The following KLF16 variants were observed in gnomAD, a reference collection of about 807,000 sequenced individuals.
KLF16 encodes the protein KLF transcription factor 16, also known as Krueppel-like factor 16.
KLF16 carries 6 observed loss-of-function variants against 6.1 expected under a neutral mutation model. That is an observed-to-expected ratio of 0.98 (90% CI 0.54 to 1.93). KLF16 has a LOEUF of 1.93. Among genes scored for constraint, KLF16 ranks in the 30% most tolerant of loss-of-function variants. The probability of loss-of-function intolerance (pLI) is 0.01; values close to 1 mark genes in which losing one functional copy is unlikely to be tolerated. For synonymous variants in KLF16, 211 were observed against 176.5 expected (o/e 1.20, Z -1.55); for missense variants, 355 against 363.8 (o/e 0.98, Z 0.20).
At position 1,863,396 on chromosome 19, in the gene KLF16, G is replaced by A. The variant is rs1308068686; in HGVS notation, c.102C>T (p.Gly34=). Residue 34 remains glycine (G), a synonymous_variant, in exon 1 of 2, where the codon GGC becomes GGT. Coordinates refer to ENST00000250916, the MANE Select transcript of KLF16 (RefSeq NM_031918.4). ...VVHRGRPGPE[G]AGPAAGLDVR... ...CATCCAGGCCGGCGGCGGGGCCCGCGCCCTCGGGGCCGGGCCGCCCGCGGT... is the reference window on the plus strand; with the variant it reads ...CATCCAGGCCGGCGGCGGGGCCCGCACCCTCGGGGCCGGGCCGCCCGCGGT... 1.2e-5 allele frequency: 12 copies of A among 985,984 alleles called. No individual in the cohort carries two copies. The highest frequency in any genetic ancestry group is 1.3e-5 in the Non-Finnish European group (11 of 832,510). The allele number at this position is 985,984 out of a possible 1,614,324, so 61.1% of individuals were successfully genotyped here.
At chr19:1,869,758 C>T in the KLF16 span, among the ~76,000 whole-genome samples, 1 of 151,946 alleles carries the variant, frequency 6.6e-6, no homozygotes, top group South Asian at 2.1e-4. Flanking sequence ...AGGTGCACAC[C>T]GCCACGCCCG....
At chr19:1,868,400 C>T (rs943413541), upstream of KLF16, among the ~76,000 whole-genome samples, 4 of 150,692 alleles carry the variant, frequency 2.7e-5, no homozygotes, top group African/African-American at 9.8e-5. Flanking sequence ...AGGAGGGTGT[C>T]CTGCCCCAAA....
chr19:1,856,892 C>T (rs1052484176), intron 1 of KLF16, among the ~76,000 whole-genome samples: 13 of 134,648 alleles, frequency 9.7e-5, no homozygotes, highest in African/African-American at 3.2e-4. Context: ...TTCAGGGCGG[C>T]GGGGCTGGTC....
chr19:1,856,955 T>TGGGGG (rs896271453), intron 1 of KLF16, among the ~76,000 whole-genome samples: 1 of 25,514 alleles, frequency 3.9e-5, no homozygotes, highest in Admixed American at 3.7e-4. Context: ...GTTGCCGGGG[T>TGGGGG]GGGGGGGGCG....
In KLF16 at chr19:1,854,110, C is replaced by G; in HGVS notation, c.*349G>C. 1 of 256,226 alleles carries G rather than the reference C, an allele frequency of 3.9e-6. No individual in the cohort carries two copies. The highest frequency in any genetic ancestry group is 1.3e-4 in the South Asian group (1 of 7,540). The allele number at this position is 256,226 out of a possible 1,614,324, so 15.9% of individuals were successfully genotyped here. A position where few individuals can be genotyped will look rare whatever the true frequency, so the allele number is the denominator to read the frequency against. On this transcript the variant is annotated 3_prime_UTR_variant, in exon 2 of 2. Transcript: ENST00000250916. The stretch of plus-strand genomic sequence containing the variant: ...TTTCCCCGGGCCGGCTCCCAGAAGT[C>G]CACTCCACCCCCCCAAACCCCACCC...
chr19:1,855,214 T>A (rs1448343409), intron 1 of KLF16, among the ~76,000 whole-genome samples: 2 of 152,102 alleles, frequency 1.3e-5, no homozygotes, highest in South Asian at 4.1e-4. Context: ...TGCAGGGGCC[T>A]CCATCTGTGC....
At chr19:1,862,628 G>T (rs1215283794) in intron 1 of KLF16, among the ~76,000 whole-genome samples, 1 of 151,110 alleles carries the variant, frequency 6.6e-6, no homozygotes, top group African/African-American at 2.4e-5. Flanking sequence ...CACAGATAAG[G>T]AAACTGAGGC....
upstream of KLF16, among the ~76,000 whole-genome samples, chr19:1,864,158 G>C (rs1274477838): frequency 2.0e-5 from 3 of 150,308 alleles, no homozygotes; most frequent in African/African-American, 7.3e-5. Flanking sequence ...CCCCTCCCCG[G>C]ATGCTTCCCT....
chr19:1,855,496 C>T (rs999458452), intron 1 of KLF16, among the ~76,000 whole-genome samples: 2 of 152,134 alleles, frequency 1.3e-5, no homozygotes, highest in East Asian at 1.9e-4. Context: ...GGACAGATGG[C>T]GCTGGGCAGG....
Position 1,854,303 on chromosome 19 carries a change from G to C in KLF16, c.*156C>G. 1 of 920,468 alleles carries C rather than the reference G, an allele frequency of 1.1e-6. No homozygotes were observed. Among genetic ancestry groups the C allele is most frequent in the Non-Finnish European group, 1.5e-6 (1 of 676,226 alleles). 57.0% of individuals were successfully genotyped at this position (920,468 alleles called of 1,614,324 possible). On this transcript the variant is annotated 3_prime_UTR_variant, in exon 2 of 2. Coordinates refer to ENST00000250916, the MANE Select transcript of KLF16 (RefSeq NM_031918.4). The stretch of plus-strand genomic sequence containing the variant: ...CACCTCTGAGGTCAGGCAGACCCAG[G>C]TCCAGTCTCAGGCCCCCTCCTCACT...
upstream of KLF16, among the ~76,000 whole-genome samples, chr19:1,864,025 ACGCCCCTCCTTCCGAGAGCG>A (rs1435970132): frequency 8.3e-6 from 1 of 119,938 alleles, no homozygotes; most frequent in Non-Finnish European, 1.7e-5. Flanking sequence ...CCTCTCCGGC[ACGCCCCTCCTTCCGAGAGCG>A]CGCCCCGCCC....
At chr19:1,870,001 C>T in the KLF16 span, among the ~76,000 whole-genome samples, 3 of 142,820 alleles carry the variant, frequency 2.1e-5, no homozygotes, top group African/African-American at 5.4e-5. Flanking sequence ...GGTGCAATCT[C>T]GGCTCACTGC....
chr19:1,871,407 T>C, the KLF16 span, among the ~76,000 whole-genome samples: 19 of 152,100 alleles, frequency 1.2e-4, no homozygotes, highest in South Asian at 2.1e-4. Context: ...TGCCACCCAT[T>C]TGAGTATCTG....
chr19:1,865,913 C>G (rs2012181670), upstream of KLF16, among the ~76,000 whole-genome samples: 1 of 152,230 alleles, frequency 6.6e-6, no homozygotes, highest in South Asian at 2.1e-4. Context: ...CCTGGAATGC[C>G]AGCACTTTGA....
In KLF16 at chr19:1,853,950, T is replaced by C. The variant is rs1299292456; in HGVS notation, c.*509A>G. 6.6e-6 allele frequency: 1 copy of C among 151,016 alleles called. No homozygotes were observed. Among genetic ancestry groups the C allele is most frequent in the East Asian group, 2.0e-4 (1 of 5,048 alleles). The allele number at this position is 151,016 out of a possible 1,614,324, so 9.4% of individuals were successfully genotyped here. A position where few individuals can be genotyped will look rare whatever the true frequency, so the allele number is the denominator to read the frequency against. On this transcript the variant is annotated 3_prime_UTR_variant, in exon 2 of 2. Transcript: ENST00000250916. ...GGGGGGTGGCTGGGCTGCACCCCCA[T>C]TTCCCTGAACTACTCCCATGGCTTT...
Position 1,853,802 on chromosome 19 carries a change from AC to A in KLF16, c.*656del, listed in dbSNP as rs1221231804. On this transcript the variant is annotated 3_prime_UTR_variant, in exon 2 of 2. Coordinates refer to ENST00000250916, the MANE Select transcript of KLF16 (RefSeq NM_031918.4). ...CCCCATCCCAGGTCTCAGAAGCAAC[AC>A]CTGGAGCCCCTCCGGGCATCCTAAC... is the stretch of plus-strand genomic sequence containing the variant. 6.6e-6 allele frequency: 1 copy of A among 152,508 alleles called. No homozygotes were observed. Among genetic ancestry groups the A allele is most frequent in the Non-Finnish European group, 1.5e-5 (1 of 68,056 alleles). 9.4% of individuals were successfully genotyped at this position (152,508 alleles called of 1,614,324 possible).
Position 1,854,768 on chromosome 19 carries a change from G to C in KLF16, c.458-8C>G, listed in dbSNP as rs758971588. ...AAGCAAAAGGGCGTTCCCCTGGACG[G>C]AGAGACAGAGACAGACAGCGGGTCA... On this transcript the variant is annotated splice_region_variant and splice_polypyrimidine_tract_variant and intron_variant, in intron 1 of 1. Transcript: ENST00000250916. The C allele has an allele frequency of 6.3e-7, 1 of 1,597,690 alleles. No homozygotes were observed. Among genetic ancestry groups the C allele is most frequent in the Non-Finnish European group, 8.5e-7 (1 of 1,179,278 alleles).
At chr19:1,875,173 T>C in the KLF16 span, 2 of 152,220 alleles carry the variant, frequency 1.3e-5, no homozygotes, top group Non-Finnish European at 2.9e-5. Context: ...ACCAAGGAAT[T>C]TAACCTAAGA....
the KLF16 span, among the ~76,000 whole-genome samples, chr19:1,870,224 C>A: frequency 1.8e-3 from 272 of 152,212 alleles, 1 homozygote; most frequent in African/African-American, 5.7e-3. Flanking sequence ...GCCACCACAC[C>A]CGGCCAAAAC....
Sources: gnomAD v4.1 joint callset for allele counts (sites outside exome capture counted in the v4.1 genomes callset) on GRCh38, gnomAD v4.1.1 for gene constraint, MANE v1.5 for transcripts, NCBI Gene and HGNC (gene_info 2026-07-23, HGNC 2026-07-21) for gene names.